Variants in SOS1 observed in about 807,000 individuals in gnomAD.
SOS1 encodes the protein SOS Ras/Rac guanine nucleotide exchange factor 1.
SOS1 carries 25 observed loss-of-function variants against 157.6 expected under a neutral mutation model. The ratio of observed to expected loss-of-function variants is 0.16; its 90% CI spans 0.12 to 0.22. The LOEUF (loss-of-function observed/expected upper bound fraction) is 0.22, where lower values mean the gene tolerates loss of function less well. Among genes scored for constraint, SOS1 ranks in the 10% least tolerant of loss-of-function variants. SOS1 has a pLI of 1.00. For missense variants in SOS1, 1,237 were observed against 1,599.1 expected (o/e 0.77, Z 3.86); for synonymous variants, 528 against 534.0 (o/e 0.99, Z 0.16).
chr2:39,108,191 C>T (rs964317636), intron 1 of SOS1, among the ~76,000 whole-genome samples: 2 of 152,118 alleles, frequency 1.3e-5, no homozygotes, highest in African/African-American at 4.8e-5. Context: ...TTTCTCCATC[C>T]CCACAGCTAC....
At position 39,120,971 on chromosome 2, in the gene SOS1, GCCGCCGCGGCCGCCGCCGCCA is replaced by G; in HGVS notation, c.-570_-550del. On this transcript the variant is annotated 5_prime_UTR_variant, in exon 1 of 23. Coordinates refer to ENST00000402219, the MANE Select transcript of SOS1 (RefSeq NM_005633.4). ...TTGGGGAATCTGGCTGCCCTGAGGTGCCGCCGCGGCCGCCGCCGCCACCGCCGCCGCCGGTGTAGCGCTGGA... is the reference window on the plus strand; with the variant it reads ...TTGGGGAATCTGGCTGCCCTGAGGTGCCGCCGCCGCCGGTGTAGCGCTGGA... 5.7e-6 allele frequency: 1 copy of G among 174,814 alleles called. No homozygotes were observed. 10.8% of individuals were successfully genotyped at this position (174,814 alleles called of 1,614,324 possible). A position where few individuals can be genotyped will look rare whatever the true frequency, so the allele number is the denominator to read the frequency against.
intron 4 of SOS1, among the ~76,000 whole-genome samples, chr2:39,055,552 T>C (rs74541414): frequency 0.037 from 5,583 of 152,292 alleles, 314 homozygotes; most frequent in African/African-American, 0.12. Flanking sequence ...CAGTTAAAAA[T>C]ACCCAAACAT....
chr2:39,039,231 G>C (rs928655650), intron 6 of SOS1, among the ~76,000 whole-genome samples: 1 of 152,178 alleles, frequency 6.6e-6, no homozygotes, highest in African/African-American at 2.4e-5. Context: ...ATAGTGACTT[G>C]CTTTATTGTG....
chr2:39,041,886 T>G (rs1670584917), intron 6 of SOS1, among the ~76,000 whole-genome samples: 2 of 152,236 alleles, frequency 1.3e-5, no homozygotes, highest in South Asian at 4.1e-4. Flanking sequence ...AGATTTTTAA[T>G]CTGTTGAGTA....
At chr2:39,114,265 T>C (rs184946954) in intron 1 of SOS1, among the ~76,000 whole-genome samples, 6 of 151,910 alleles carry the variant, frequency 3.9e-5, no homozygotes, top group African/African-American at 1.4e-4. Context: ...CTGGCTAATT[T>C]TTTTTGTTTT....
chr2:39,121,333 C>G (rs928330381), upstream of SOS1, among the ~76,000 whole-genome samples: 2 of 152,100 alleles, frequency 1.3e-5, no homozygotes, highest in Non-Finnish European at 1.5e-5. Context: ...CTGGGCCCTT[C>G]GTTTCGGAAA....
chr2:39,046,971 C>A (rs1670809592), intron 6 of SOS1, among the ~76,000 whole-genome samples: 1 of 152,112 alleles, frequency 6.6e-6, no homozygotes. Context: ...CTCACTTCTT[C>A]CTCATTTTTG....
At chr2:39,121,931 A>C (rs1673906633), upstream of SOS1, among the ~76,000 whole-genome samples, 1 of 152,160 alleles carries the variant, frequency 6.6e-6, no homozygotes, top group Admixed American at 6.5e-5. Flanking sequence ...ATCTCATTTA[A>C]TCCCCATAGC....
In SOS1 at chr2:39,047,800, C is replaced by T. The variant is rs143498517; in HGVS notation, c.864+3344G>A. On this transcript the variant is annotated intron_variant, in intron 6 of 22. Coordinates refer to ENST00000402219, the MANE Select transcript of SOS1 (RefSeq NM_005633.4). ...ATTCTGCCTCAGATTCTCGAGTAACCGGGATTGCAGGCATGCACCACTATG... is the reference window on the plus strand; with the variant it reads ...ATTCTGCCTCAGATTCTCGAGTAACTGGGATTGCAGGCATGCACCACTATG... Among the ~76,000 whole-genome samples, 99 of 149,300 alleles carry T rather than the reference C, an allele frequency of 6.6e-4. No homozygotes were observed. The East Asian group carries it at 9.5e-3, about 14-fold the overall frequency.
chr2:39,079,641 C>T (rs760233667), intron 1 of SOS1, among the ~76,000 whole-genome samples: 2 of 151,686 alleles, frequency 1.3e-5, no homozygotes, highest in East Asian at 1.9e-4. Flanking sequence ...ATTACAGGCA[C>T]GTGCCACCAT....
chr2:39,029,977 G>A (rs1289403348), intron 8 of SOS1, among the ~76,000 whole-genome samples: 1 of 151,608 alleles, frequency 6.6e-6, no homozygotes, highest in Non-Finnish European at 1.5e-5. Context: ...GACCACCCTG[G>A]GCAACAGAGC....
chr2:39,079,453 T>G (rs1019517411), intron 1 of SOS1, among the ~76,000 whole-genome samples: 1 of 150,844 alleles, frequency 6.6e-6, no homozygotes, highest in African/African-American at 2.4e-5. Flanking sequence ...ATGTAATCAG[T>G]AAGGAAACCA....
chr2:39,003,983 A>G (rs1285423641), intron 17 of SOS1, among the ~76,000 whole-genome samples: 1 of 152,232 alleles, frequency 6.6e-6, no homozygotes. Flanking sequence ...AATTAAAAAA[A>G]AATTGTCTCC....
chr2:38,985,672 G>T lies in SOS1; in HGVS notation c.*152C>A. On this transcript the variant is annotated 3_prime_UTR_variant, in exon 23 of 23. Coordinates refer to ENST00000402219, the MANE Select transcript of SOS1 (RefSeq NM_005633.4). ...CATTTCCATTGTATAATTACATCTAGGTTAAAATTCATTGTCTTATACTGC... is the reference window on the plus strand; with the variant it reads ...CATTTCCATTGTATAATTACATCTATGTTAAAATTCATTGTCTTATACTGC... 5.6e-6 allele frequency: 5 copies of T among 896,128 alleles called. No individual in the cohort carries two copies. The highest frequency in any genetic ancestry group is 9.1e-6 in the Non-Finnish European group (5 of 549,954). 55.5% of individuals were successfully genotyped at this position (896,128 alleles called of 1,614,324 possible).
rs1387884110 is a variant in SOS1, at chr2:39,121,029, G to C, written c.-607C>G. ...GGTGTAGCGCTGGAGCTTCCTACTA[G>C]CGAACTGAACCTGCTCGCTACTGAG... On this transcript the variant is annotated 5_prime_UTR_variant, in exon 1 of 23. Transcript: ENST00000402219. 1 of 167,402 alleles carries C rather than the reference G, an allele frequency of 6.0e-6. No homozygotes were observed. Among genetic ancestry groups the C allele is most frequent in the South Asian group, 1.5e-4 (1 of 6,890 alleles). 10.4% of individuals were successfully genotyped at this position (167,402 alleles called of 1,614,324 possible).
chr2:39,001,767 A>G, intron 17 of SOS1, among the ~76,000 whole-genome samples: 1 of 152,196 alleles, frequency 6.6e-6, no homozygotes, highest in East Asian at 1.9e-4. Context: ...GCTTAAGAAT[A>G]GCACAGATAG....
chr2:39,019,950 G>T (rs75125311), intron 10 of SOS1, among the ~76,000 whole-genome samples: 1,717 of 151,066 alleles, frequency 0.011, 30 homozygotes, highest in African/African-American at 0.039. Flanking sequence ...TATTTTTTTT[G>T]AGCTCACATC....
At chr2:39,108,945 T>TC (rs1288907003) in intron 1 of SOS1, among the ~76,000 whole-genome samples, 2 of 151,958 alleles carry the variant, frequency 1.3e-5, no homozygotes, top group Non-Finnish European at 2.9e-5. Flanking sequence ...ACATATGTAA[T>TC]CCCGGCACAC....
At chr2:39,083,939 TAAAG>T (rs1672290106) in intron 1 of SOS1, among the ~76,000 whole-genome samples, 1 of 152,118 alleles carries the variant, frequency 6.6e-6, no homozygotes. Flanking sequence ...ATAAAGTCTT[TAAAG>T]AGGTAATTAA....
Sources: gnomAD v4.1 joint callset for allele counts (sites outside exome capture counted in the v4.1 genomes callset) on GRCh38, gnomAD v4.1.1 for gene constraint, MANE v1.5 for transcripts, NCBI Gene and HGNC (gene_info 2026-07-23, HGNC 2026-07-21) for gene names.